Variants in LRRC4C observed in about 807,000 individuals in gnomAD.
LRRC4C encodes the protein leucine-rich repeat-containing protein 4C.
In LRRC4C, 5 loss-of-function variants were observed where a neutral mutation model predicts 33.6. That is an observed-to-expected ratio of 0.15 (90% CI 0.08 to 0.31). The LOEUF (loss-of-function observed/expected upper bound fraction) is 0.31, where lower values mean the gene tolerates loss of function less well. Among genes scored for constraint, LRRC4C ranks in the 10% least tolerant of loss-of-function variants. The pLI, the probability that LRRC4C is intolerant of heterozygous loss-of-function variation, is 1.00. For synonymous variants in LRRC4C, 329 were observed against 302.0 expected (o/e 1.09, Z -0.93); for missense variants, 560 against 796.7 (o/e 0.70, Z 3.58).
chr11:41,352,063 T>C (rs1591330990), intron 1 of LRRC4C, among the ~76,000 whole-genome samples: 1 of 152,192 alleles, frequency 6.6e-6, no homozygotes, highest in Non-Finnish European at 1.5e-5. Context: ...TTAAAAGGCA[T>C]AGAGTGACAA....
At chr11:40,527,286 T>C (rs1404400188) in intron 3 of LRRC4C, among the ~76,000 whole-genome samples, 2 of 152,136 alleles carry the variant, frequency 1.3e-5, no homozygotes, top group African/African-American at 2.4e-5. Flanking sequence ...ACGTGCTTAT[T>C]AAAAATTAAA....
At chr11:40,409,891 T>C (rs1465249066) in intron 3 of LRRC4C, among the ~76,000 whole-genome samples, 1 of 152,118 alleles carries the variant, frequency 6.6e-6, no homozygotes, top group Non-Finnish European at 1.5e-5. Context: ...AAGTAATGCA[T>C]ACATTAGTTT....
intron 1 of LRRC4C, among the ~76,000 whole-genome samples, chr11:41,066,966 C>G (rs770346280): frequency 3.9e-5 from 6 of 152,072 alleles, no homozygotes; most frequent in Non-Finnish European, 8.8e-5. Context: ...AAAAACACAC[C>G]AAAATATGAA....
chr11:41,377,838 ACTTTCCAGCAG>A (rs1952995360), intron 1 of LRRC4C, among the ~76,000 whole-genome samples: 1 of 152,118 alleles, frequency 6.6e-6, no homozygotes, highest in Non-Finnish European at 1.5e-5. Context: ...TGTAACAGTG[ACTTTCCAGCAG>A]CTTTCCAGCT....
chr11:40,187,908 A>G (rs1861536367), intron 5 of LRRC4C, among the ~76,000 whole-genome samples: 1 of 152,166 alleles, frequency 6.6e-6, no homozygotes, highest in Non-Finnish European at 1.5e-5. Context: ...GGGGTCGGGG[A>G]AAGAGAAGGA....
At chr11:40,949,323 G>C (rs553318325) in intron 1 of LRRC4C, among the ~76,000 whole-genome samples, 1 of 152,114 alleles carries the variant, frequency 6.6e-6, no homozygotes, top group Admixed American at 6.6e-5. Context: ...TGGGTTGCCT[G>C]TTCACTCTGA....
rs898319562 is a variant in LRRC4C at position 40,844,801 on chromosome 11, A to G, written c.-407+88834T>C. ...TTTTACAACAATGAAAGAAACAACAATGCATCGCATACTTGAACATTGCTA... is the reference window on the plus strand; with the variant it reads ...TTTTACAACAATGAAAGAAACAACAGTGCATCGCATACTTGAACATTGCTA... On this transcript the variant is annotated intron_variant, in intron 2 of 6. Transcript: ENST00000528697. 2.6e-5 allele frequency among the ~76,000 whole-genome samples: 4 copies of G among 152,200 alleles called. No individual in the cohort carries two copies. The South Asian group carries it at 8.3e-4, about 31-fold the overall frequency.
At chr11:40,477,411 C>A (rs993001183) in intron 3 of LRRC4C, among the ~76,000 whole-genome samples, 1 of 152,048 alleles carries the variant, frequency 6.6e-6, no homozygotes, top group African/African-American at 2.4e-5. Context: ...GATGATCTGG[C>A]TTTGGTATAA....
At chr11:40,638,969 T>C (rs1271279450) in intron 3 of LRRC4C, among the ~76,000 whole-genome samples, 1 of 152,122 alleles carries the variant, frequency 6.6e-6, no homozygotes, top group East Asian at 1.9e-4. Flanking sequence ...CAAGGCAGGC[T>C]TAACAGCTCC....
At chr11:41,277,868 G>A (rs1313735927) in intron 1 of LRRC4C, among the ~76,000 whole-genome samples, 3 of 151,830 alleles carry the variant, frequency 2.0e-5, no homozygotes, top group Admixed American at 2.0e-4. Context: ...ATAAGCACAC[G>A]TTAGAATCAC....
rs529464378 is a variant in LRRC4C at position 40,627,658 on chromosome 11, A to T, written c.-270+20484T>A. On this transcript the variant is annotated intron_variant, in intron 3 of 6. Coordinates refer to ENST00000528697, the MANE Select transcript of LRRC4C (RefSeq NM_001258419.2). The stretch of plus-strand genomic sequence containing the variant: ...TTTGCACCTTTAATGTATATGATTG[A>T]TTAGAGACAGCCTGTGATTGCATCC... Among the ~76,000 whole-genome samples the T allele has an allele frequency of 5.3e-5, 8 of 152,290 alleles. No individual in the cohort carries two copies. In the South Asian group the frequency reaches 1.4e-3, roughly 28 times the overall value.
At chr11:40,441,828 C>A (rs1321650745) in intron 3 of LRRC4C, among the ~76,000 whole-genome samples, 1 of 152,094 alleles carries the variant, frequency 6.6e-6, no homozygotes, top group Non-Finnish European at 1.5e-5. Flanking sequence ...AATGGTAGAT[C>A]AAGTTTCTTT....
intron 1 of LRRC4C, among the ~76,000 whole-genome samples, chr11:41,051,553 A>AAAAAAAAG (rs1565337336): frequency 8.1e-6 from 1 of 123,624 alleles, no homozygotes; most frequent in African/African-American, 3.0e-5. Context: ...AAAAAAAAAA[A>AAAAAAAAG]GGAAAAATTA....
chr11:41,040,847 T>A (rs1269887734), intron 1 of LRRC4C, among the ~76,000 whole-genome samples: 1 of 152,204 alleles, frequency 6.6e-6, no homozygotes, highest in African/African-American at 2.4e-5. Context: ...GAAGCTAAAC[T>A]AAATCTCTAA....
chr11:40,147,658 GA>G (rs941032083), intron 5 of LRRC4C, among the ~76,000 whole-genome samples: 2 of 152,008 alleles, frequency 1.3e-5, no homozygotes, highest in Non-Finnish European at 2.9e-5. Flanking sequence ...TAAAAAAAAA[GA>G]TGAGGTAGAC....
chr11:40,693,270 C>T (rs777493853), intron 2 of LRRC4C, among the ~76,000 whole-genome samples: 1 of 152,096 alleles, frequency 6.6e-6, no homozygotes, highest in Non-Finnish European at 1.5e-5. Flanking sequence ...TGACTAAATT[C>T]ATCACATTGG....
intron 1 of LRRC4C, among the ~76,000 whole-genome samples, chr11:41,316,056 G>A (rs1414288133): frequency 1.3e-5 from 2 of 151,934 alleles, no homozygotes; most frequent in African/African-American, 4.8e-5. Flanking sequence ...TCAGAGCCTA[G>A]GATCTTCAGG....
At chr11:40,479,451 G>C (rs1953425727) in intron 3 of LRRC4C, among the ~76,000 whole-genome samples, 1 of 152,036 alleles carries the variant, frequency 6.6e-6, no homozygotes, top group African/African-American at 2.4e-5. Context: ...TAAATGCACC[G>C]ACAATTACAG....
intron 5 of LRRC4C, among the ~76,000 whole-genome samples, chr11:40,167,542 G>C (rs924857222): frequency 6.6e-6 from 1 of 152,082 alleles, no homozygotes; most frequent in African/African-American, 2.4e-5. Context: ...GTAGTTCTCA[G>C]TTTTCCACTT....
Sources: allele counts gnomAD v4.1 joint callset (sites outside exome capture counted in the v4.1 genomes callset), GRCh38; gene constraint gnomAD v4.1.1; transcripts MANE v1.5; gene names NCBI Gene and HGNC (gene_info 2026-07-23, HGNC 2026-07-21).